Variants in CLEC16A observed in about 807,000 individuals in gnomAD.
CLEC16A encodes protein CLEC16A.
Under a neutral mutation model 109.5 loss-of-function variants are expected in CLEC16A, and 51 were observed. The observed-to-expected ratio is 0.47, with a 90% CI of 0.37 to 0.59. The LOEUF is 0.59. CLEC16A is among the 20% of genes least tolerant of loss of function. The pLI is 0.00. For missense variants in CLEC16A, 1,339 were observed against 1,394.0 expected (o/e 0.96, Z 0.63); for synonymous variants, 673 against 564.2 (o/e 1.19, Z -2.73).
intron 13 of CLEC16A, among the ~76,000 whole-genome samples, chr16:11,031,480 C>G (rs183560799): frequency 1.1e-4 from 17 of 152,304 alleles, no homozygotes; most frequent in Admixed American, 9.8e-4. Context: ...CCTGGGCATC[C>G]TACCTCTTTT....
At chr16:11,171,110 CA>C (rs1156390388) in intron 23 of CLEC16A, among the ~76,000 whole-genome samples, 1 of 152,222 alleles carries the variant, frequency 6.6e-6, no homozygotes, top group African/African-American at 2.4e-5. Context: ...GGGCCGTGGG[CA>C]GGGGGGAGGA....
Position 10,965,333 on chromosome 16 carries a change from T to C in CLEC16A, c.343+2745T>C, listed in dbSNP as rs117756199. ...AAGACCTTTGCTTTTATTTTTGTTT[T>C]CTAATCACAGAAGAAAAAATGTCCT... On this transcript the variant is annotated intron_variant, in intron 3 of 23. Coordinates refer to ENST00000409790, the MANE Select transcript of CLEC16A (RefSeq NM_015226.3). Among the ~76,000 whole-genome samples, 24 of 152,318 alleles carry C rather than the reference T, an allele frequency of 1.6e-4. No individual in the cohort carries two copies. The East Asian group carries it at 4.6e-3, about 29-fold the overall frequency.
intron 19 of CLEC16A, among the ~76,000 whole-genome samples, chr16:11,102,829 A>G (rs34846673): frequency 0.13 from 19,881 of 152,282 alleles, 1,296 homozygotes; most frequent in African/African-American, 0.15. Context: ...CCTTACAAAC[A>G]TCATTGAGTT....
intron 10 of CLEC16A, among the ~76,000 whole-genome samples, chr16:10,999,995 C>T (rs1349804212): frequency 1.3e-5 from 2 of 152,164 alleles, no homozygotes; most frequent in East Asian, 1.9e-4. Context: ...CGCCACCACA[C>T]CTGGCTAATT....
intron 19 of CLEC16A, among the ~76,000 whole-genome samples, chr16:11,063,988 G>T (rs1431299093): frequency 6.6e-6 from 1 of 151,702 alleles, no homozygotes; most frequent in African/African-American, 2.4e-5. Context: ...GGAAGAAAGG[G>T]GAAGGGAGGG....
chr16:11,177,163 C>G (rs1349294570), intron 23 of CLEC16A, among the ~76,000 whole-genome samples: 3 of 152,160 alleles, frequency 2.0e-5, no homozygotes, highest in African/African-American at 4.8e-5. Flanking sequence ...AGCAGGATGC[C>G]CACTGTCTTC....
intron 13 of CLEC16A, among the ~76,000 whole-genome samples, chr16:11,035,533 C>T (rs977047477): frequency 1.3e-5 from 2 of 152,194 alleles, no homozygotes; most frequent in Non-Finnish European, 2.9e-5. Flanking sequence ...CACATGGCTG[C>T]ATTCAGGGCT....
intron 23 of CLEC16A, among the ~76,000 whole-genome samples, chr16:11,172,584 A>G (rs1454102048): frequency 6.6e-6 from 1 of 152,184 alleles, no homozygotes; most frequent in African/African-American, 2.4e-5. Context: ...GTAATTAAAC[A>G]TTCATTTTTA....
chr16:11,083,623 T>C (rs2049854196), intron 19 of CLEC16A, among the ~76,000 whole-genome samples: 1 of 152,116 alleles, frequency 6.6e-6, no homozygotes, highest in African/African-American at 2.4e-5. Context: ...CACCCAACCA[T>C]TTTTCTTTCC....
At chr16:11,023,489 A>T (rs941585562) in intron 12 of CLEC16A, among the ~76,000 whole-genome samples, 1 of 152,158 alleles carries the variant, frequency 6.6e-6, no homozygotes, top group African/African-American at 2.4e-5. Flanking sequence ...GTGGTGCCCC[A>T]TCTGGGGCTG....
chr16:11,002,938 G>A (rs769640182), intron 10 of CLEC16A, 136 bp from the exon 11 acceptor site: 163 of 666,276 alleles, frequency 2.4e-4, no homozygotes, highest in Middle Eastern at 1.8e-3. Context: ...GTAAGCATGC[G>A]AGTGCAGCTA....
At chr16:11,126,498 AAG>A (rs895585615) in intron 22 of CLEC16A, 4 of 981,952 alleles carry the variant, frequency 4.1e-6, no homozygotes, top group East Asian at 2.8e-5. Flanking sequence ...GATGACTAGA[AAG>A]AGAGAGTGTG....
At chr16:10,959,963 C>T (rs538308698) in intron 2 of CLEC16A, among the ~76,000 whole-genome samples, 1 of 152,210 alleles carries the variant, frequency 6.6e-6, no homozygotes, top group African/African-American at 2.4e-5. Flanking sequence ...GTCCATCTGT[C>T]ATCTTAGAAA....
chr16:11,127,415 T>C (rs1002288407), intron 22 of CLEC16A, among the ~76,000 whole-genome samples: 2 of 152,234 alleles, frequency 1.3e-5, no homozygotes, highest in Non-Finnish European at 2.9e-5. Context: ...CTTTGTGTAA[T>C]TGTGCAAATT....
In CLEC16A at chr16:11,123,547, A is replaced by G. The variant is rs1317781136; in HGVS notation, c.2269-195A>G. ...TGGGGTACTCTGTGCCTCCTCCCACACTGTCCTCTCCCACTGGGCCTGGTC... is the reference window on the plus strand; with the variant it reads ...TGGGGTACTCTGTGCCTCCTCCCACGCTGTCCTCTCCCACTGGGCCTGGTC... On this transcript the variant is annotated intron_variant, in intron 20 of 23. Transcript: ENST00000409790. 2.6e-5 allele frequency among the ~76,000 whole-genome samples: 4 copies of G among 152,174 alleles called. No homozygotes were observed. The East Asian group carries it at 7.7e-4, about 29-fold the overall frequency.
intron 19 of CLEC16A, among the ~76,000 whole-genome samples, chr16:11,071,508 A>G (rs1456178586): frequency 1.3e-5 from 2 of 152,094 alleles, no homozygotes; most frequent in Non-Finnish European, 2.9e-5. Context: ...ATTGAGGGGG[A>G]AAAGTAGCCT....
At chr16:11,147,973 A>T (rs545878905) in intron 22 of CLEC16A, among the ~76,000 whole-genome samples, 3 of 152,072 alleles carry the variant, frequency 2.0e-5, no homozygotes, top group Non-Finnish European at 4.4e-5. Flanking sequence ...TTTCTTTTTG[A>T]CTTTGAGAAA....
intron 22 of CLEC16A, among the ~76,000 whole-genome samples, chr16:11,162,375 A>G (rs1357454797): frequency 6.6e-6 from 1 of 152,200 alleles, no homozygotes; most frequent in Non-Finnish European, 1.5e-5. Context: ...TAGGATCGGG[A>G]GCTTGAGTCT....
intron 19 of CLEC16A, among the ~76,000 whole-genome samples, chr16:11,106,602 CAGCCTCCTG>C (rs1439852646): frequency 6.6e-6 from 1 of 152,028 alleles, no homozygotes; most frequent in East Asian, 1.9e-4. Context: ...CCTCCTGCCT[CAGCCTCCTG>C]AGTTGTGGGA....
Sources: gnomAD v4.1 joint callset for allele counts (sites outside exome capture counted in the v4.1 genomes callset) on GRCh38, gnomAD v4.1.1 for gene constraint, MANE v1.5 for transcripts, NCBI Gene and HGNC (gene_info 2026-07-23, HGNC 2026-07-21) for gene names.